Variants in SRPK2 observed in about 807,000 individuals in gnomAD.
The protein encoded by SRPK2 is SFRS protein kinase 2.
SRPK2 carries 21 observed loss-of-function variants against 90.8 expected under a neutral mutation model. The ratio of observed to expected loss-of-function variants is 0.23; its 90% CI spans 0.16 to 0.33. The LOEUF (loss-of-function observed/expected upper bound fraction) is 0.33, where lower values mean the gene tolerates loss of function less well. Ranked by LOEUF, SRPK2 falls within the 10% of genes least tolerant of loss-of-function variation. SRPK2 has a pLI of 1.00. For missense variants in SRPK2, 620 were observed against 869.0 expected (o/e 0.71, Z 3.60); for synonymous variants, 288 against 311.1 (o/e 0.93, Z 0.78).
intron 2 of SRPK2, among the ~76,000 whole-genome samples, chr7:105,217,770 C>A (rs1797639354): frequency 1.3e-5 from 2 of 152,056 alleles, no homozygotes; most frequent in South Asian, 4.2e-4. Flanking sequence ...TCTCATGGTA[C>A]CAGGAATCTA....
intron 2 of SRPK2, among the ~76,000 whole-genome samples, chr7:105,234,731 G>A (rs1799918219): frequency 6.6e-6 from 1 of 151,946 alleles, no homozygotes; most frequent in South Asian, 2.1e-4. Flanking sequence ...AAAGCAGCAA[G>A]CAGAAAAGCA....
intron 2 of SRPK2, among the ~76,000 whole-genome samples, chr7:105,325,221 A>G (rs186445614): frequency 3.0e-4 from 45 of 152,328 alleles, no homozygotes; most frequent in African/African-American, 1.0e-3. Context: ...CACCTTTGAA[A>G]CTAGTGGCTA....
intron 2 of SRPK2, among the ~76,000 whole-genome samples, chr7:105,387,584 G>C (rs748834475): frequency 5.8e-4 from 87 of 150,192 alleles, no homozygotes; most frequent in Non-Finnish European, 9.6e-4. Flanking sequence ...AGGCCAACGA[G>C]AAGGGGAAAA....
At chr7:105,373,806 T>C (rs1212315229) in intron 2 of SRPK2, among the ~76,000 whole-genome samples, 3 of 152,190 alleles carry the variant, frequency 2.0e-5, no homozygotes, top group South Asian at 2.1e-4. Flanking sequence ...AAATGTCTCC[T>C]TGAAGTCCCA....
intron 2 of SRPK2, among the ~76,000 whole-genome samples, chr7:105,340,126 A>G (rs1341664281): frequency 6.6e-6 from 1 of 152,102 alleles, no homozygotes; most frequent in African/African-American, 2.4e-5. Context: ...ATGCTTCATC[A>G]TCATTTTTTA....
intron 2 of SRPK2, chr7:105,244,705 CA>C: frequency 8.7e-7 from 1 of 1,151,290 alleles, no homozygotes. Context: ...AAAAGGTGAC[CA>C]AGAACGTGAG....
chr7:105,279,402 C>T (rs1806969100), intron 2 of SRPK2, among the ~76,000 whole-genome samples: 1 of 152,120 alleles, frequency 6.6e-6, no homozygotes. Context: ...AAGAGAAATA[C>T]TAGTTCAAAA....
intron 2 of SRPK2, among the ~76,000 whole-genome samples, chr7:105,314,708 C>G (rs1812120835): frequency 6.6e-6 from 1 of 152,144 alleles, no homozygotes; most frequent in Admixed American, 6.5e-5. Flanking sequence ...TAAATGCCGG[C>G]TGACATAGTA....
At chr7:105,385,385 C>A (rs1327877143) in intron 2 of SRPK2, among the ~76,000 whole-genome samples, 2 of 149,852 alleles carry the variant, frequency 1.3e-5, no homozygotes, top group Non-Finnish European at 2.9e-5. Flanking sequence ...GGGGTGTTAG[C>A]CAGGATGGTC....
At chr7:105,149,173 G>A (rs1453929075) in intron 7 of SRPK2, among the ~76,000 whole-genome samples, 3 of 152,096 alleles carry the variant, frequency 2.0e-5, no homozygotes, top group Non-Finnish European at 4.4e-5. Context: ...GCCTGCCCCT[G>A]GGAACTGAAT....
intron 2 of SRPK2, chr7:105,245,061 A>ACACACC: frequency 1.5e-6 from 1 of 656,324 alleles, no homozygotes; most frequent in Non-Finnish European, 2.7e-6. Context: ...ACACACACAC[A>ACACACC]CACACACACA....
intron 7 of SRPK2, among the ~76,000 whole-genome samples, chr7:105,156,703 G>A (rs543915501): frequency 1.3e-5 from 2 of 152,086 alleles, no homozygotes; most frequent in Admixed American, 6.6e-5. Context: ...ACGGTCTTGC[G>A]ATGTTGCCCA....
At chr7:105,173,034 T>C (rs996997997) in intron 3 of SRPK2, among the ~76,000 whole-genome samples, 3 of 152,108 alleles carry the variant, frequency 2.0e-5, no homozygotes, top group African/African-American at 7.2e-5. Context: ...ACAACAAAAT[T>C]ACTACTGGAG....
At chr7:105,268,707 A>C in intron 2 of SRPK2, 1 of 1,371,334 alleles carries the variant, frequency 7.3e-7, no homozygotes, top group Non-Finnish European at 1.0e-6. Context: ...GCAGGACAAT[A>C]CGTTATATAG....
At position 105,369,236 on chromosome 7, in the gene SRPK2, T is replaced by G. The variant is rs572926413; in HGVS notation, c.71+19412A>C. On this transcript the variant is annotated intron_variant, in intron 2 of 15. Transcript: ENST00000393651. ...ATCTCAGCTCACTGCCACCTCCACCTGCTGGGTTCAAGCAATTCTCCTGCC... is the reference window on the plus strand; with the variant it reads ...ATCTCAGCTCACTGCCACCTCCACCGGCTGGGTTCAAGCAATTCTCCTGCC... Among the ~76,000 whole-genome samples the G allele has an allele frequency of 2.0e-5, 3 of 152,090 alleles. No individual in the cohort carries two copies. The South Asian group carries it at 6.2e-4, about 32-fold the overall frequency.
intron 2 of SRPK2, among the ~76,000 whole-genome samples, chr7:105,366,612 G>A (rs995000458): frequency 2.0e-5 from 3 of 151,652 alleles, no homozygotes; most frequent in Non-Finnish European, 2.9e-5. Flanking sequence ...CTCGTGATCC[G>A]CCCGCCTCAG....
intron 5 of SRPK2, among the ~76,000 whole-genome samples, 158 bp from the exon 6 acceptor site, chr7:105,167,622 A>T (rs547737325): frequency 3.7e-4 from 57 of 152,162 alleles, no homozygotes; most frequent in African/African-American, 1.2e-3. Context: ...TTATTTATTT[A>T]TTTTTTGAGA....
chr7:105,375,466 G>A (rs1673610635), intron 2 of SRPK2, among the ~76,000 whole-genome samples: 1 of 152,152 alleles, frequency 6.6e-6, no homozygotes, highest in Non-Finnish European at 1.5e-5. Flanking sequence ...AAGACAGCTT[G>A]AAGCCAGGAG....
chr7:105,366,363 A>G (rs900651707), intron 2 of SRPK2, among the ~76,000 whole-genome samples: 1 of 113,564 alleles, frequency 8.8e-6, no homozygotes, highest in African/African-American at 3.4e-5. Flanking sequence ...ATCTACAGGT[A>G]TGCCTTTTTT....
Sources: allele counts gnomAD v4.1 joint callset (sites outside exome capture counted in the v4.1 genomes callset), GRCh38; gene constraint gnomAD v4.1.1; transcripts MANE v1.5; gene names NCBI Gene and HGNC (gene_info 2026-07-23, HGNC 2026-07-21).